The following PTPRT variants were observed in gnomAD, a reference collection of about 807,000 sequenced individuals.
The protein encoded by PTPRT is receptor-type tyrosine-protein phosphatase T.
Under a neutral mutation model 176.8 loss-of-function variants are expected in PTPRT, and 56 were observed. The ratio of observed to expected loss-of-function variants is 0.32; its 90% CI spans 0.26 to 0.40. The LOEUF is 0.40. Among genes scored for constraint, PTPRT ranks in the 10% least tolerant of loss-of-function variants. PTPRT has a pLI of 1.00. For missense variants in PTPRT, 1,540 were observed against 1,908.2 expected (o/e 0.81, Z 3.60); for synonymous variants, 783 against 739.0 (o/e 1.06, Z -0.96).
intron 1 of PTPRT, among the ~76,000 whole-genome samples, chr20:42,972,060 G>A (rs1328226847): frequency 1.3e-5 from 2 of 150,906 alleles, no homozygotes; most frequent in African/African-American, 4.9e-5. Flanking sequence ...GTGACTGAAT[G>A]GTAGGTAGTC....
chr20:43,188,687 G>A (rs6030686), intron 1 of PTPRT, among the ~76,000 whole-genome samples: 1 of 145,834 alleles, frequency 6.9e-6, no homozygotes, highest in African/African-American at 2.5e-5. Context: ...GAAACTTTAA[G>A]GTGATTTTGA....
rs1238187461 is a variant in PTPRT at position 42,736,020 on chromosome 20, C to A, written c.859+20442G>T. On this transcript the variant is annotated intron_variant, in intron 6 of 30. Transcript: ENST00000373187. ...TCATCATTTTGTACACATCAAAGAA[C>A]TATTTGATTTCATGGGAGTGCCACC... is the stretch of plus-strand genomic sequence containing the variant. Among the ~76,000 whole-genome samples, 6 of 152,158 alleles carry A rather than the reference C, an allele frequency of 3.9e-5. No homozygotes were observed. The East Asian group carries it at 1.2e-3, about 29-fold the overall frequency.
chr20:42,196,568 C>T (rs1034286778), intron 16 of PTPRT, among the ~76,000 whole-genome samples: 3 of 152,156 alleles, frequency 2.0e-5, no homozygotes, highest in East Asian at 3.9e-4. Context: ...AGAACTTATT[C>T]CTCCTAGCTA....
At chr20:42,424,597 A>G (rs1191708848) in intron 9 of PTPRT, among the ~76,000 whole-genome samples, 1 of 152,114 alleles carries the variant, frequency 6.6e-6, no homozygotes, top group Non-Finnish European at 1.5e-5. Context: ...CAAGTTTGGT[A>G]CAATTAGCTG....
intron 6 of PTPRT, among the ~76,000 whole-genome samples, chr20:42,716,563 C>T (rs1258122480): frequency 6.6e-6 from 1 of 152,146 alleles, no homozygotes; most frequent in Non-Finnish European, 1.5e-5. Context: ...TGAGAAGTGC[C>T]TGTTCATATC....
intron 13 of PTPRT, among the ~76,000 whole-genome samples, chr20:42,249,992 C>T (rs2056523099): frequency 6.6e-6 from 1 of 152,196 alleles, no homozygotes; most frequent in South Asian, 2.1e-4. Flanking sequence ...CTCATTCCTT[C>T]TTTTCTTCCA....
At chr20:42,095,097 C>G (rs1371901793) in intron 27 of PTPRT, among the ~76,000 whole-genome samples, 3 of 152,134 alleles carry the variant, frequency 2.0e-5, no homozygotes, top group African/African-American at 7.2e-5. Flanking sequence ...CCTTCAGAAT[C>G]TACCCCCCAG....
At chr20:42,319,976 A>G (rs2057776604) in intron 11 of PTPRT, among the ~76,000 whole-genome samples, 1 of 151,968 alleles carries the variant, frequency 6.6e-6, no homozygotes, top group South Asian at 2.1e-4. Context: ...AACCTAAGAC[A>G]CTCACCACAC....
chr20:42,567,774 A>C (rs1028278449), intron 7 of PTPRT, among the ~76,000 whole-genome samples: 1 of 152,226 alleles, frequency 6.6e-6, no homozygotes, highest in Non-Finnish European at 1.5e-5. Flanking sequence ...TATTTATTGA[A>C]CAACAGACCT....
chr20:42,361,802 C>T (rs912610348), intron 9 of PTPRT, among the ~76,000 whole-genome samples: 1 of 152,156 alleles, frequency 6.6e-6, no homozygotes, highest in Non-Finnish European at 1.5e-5. Context: ...TCATCCCTGC[C>T]CTCTTGCATT....
At chr20:42,923,425 G>A (rs1317839568) in intron 1 of PTPRT, among the ~76,000 whole-genome samples, 3 of 152,192 alleles carry the variant, frequency 2.0e-5, no homozygotes, top group African/African-American at 4.8e-5. Flanking sequence ...GTACCTAAAT[G>A]TGCAAGACCT....
intron 24 of PTPRT, among the ~76,000 whole-genome samples, chr20:42,106,405 G>A (rs537471491): frequency 9.1e-4 from 139 of 152,284 alleles, no homozygotes; most frequent in Middle Eastern, 3.4e-3. Flanking sequence ...CTGAACCATC[G>A]CTTGGCACGT....
intron 2 of PTPRT, among the ~76,000 whole-genome samples, chr20:42,832,342 G>C (rs1167454361): frequency 6.6e-6 from 1 of 152,100 alleles, no homozygotes; most frequent in Non-Finnish European, 1.5e-5. Context: ...GGGAACAACA[G>C]GCCCTGTGGC....
At chr20:42,246,868 C>T (rs1453306118) in intron 14 of PTPRT, among the ~76,000 whole-genome samples, 3 of 152,196 alleles carry the variant, frequency 2.0e-5, no homozygotes, top group South Asian at 4.1e-4. Context: ...AGAAACATTT[C>T]ACCTCTGCCT....
At chr20:42,331,512 T>A (rs909035851) in intron 11 of PTPRT, among the ~76,000 whole-genome samples, 1 of 152,252 alleles carries the variant, frequency 6.6e-6, no homozygotes, top group South Asian at 2.1e-4. Flanking sequence ...AATTACTAAT[T>A]AAGCATTAAA....
intron 11 of PTPRT, among the ~76,000 whole-genome samples, chr20:42,348,483 G>T (rs1371097191): frequency 6.6e-6 from 1 of 151,898 alleles, no homozygotes; most frequent in Non-Finnish European, 1.5e-5. Flanking sequence ...AATGAGTGTT[G>T]GCTTTAGGTC....
Position 42,199,413 on chromosome 20 carries a change from A to C in PTPRT, c.2343-25T>G, listed in dbSNP as rs774615369. 7 of 1,609,810 alleles carry C rather than the reference A, an allele frequency of 4.3e-6. No individual in the cohort carries two copies. The Admixed American group carries it at 1.2e-4, about 27-fold the overall frequency. ...CCTTTGGGACATGTGCAAGGGGAAA[A>C]AACCACAGTCAGATGGTGCCAGTTG... On this transcript the variant is annotated intron_variant, in intron 15 of 30. Coordinates refer to ENST00000373187, the MANE Select transcript of PTPRT (RefSeq NM_007050.6).
chr20:42,253,773 CT>C (rs1223133859), intron 13 of PTPRT, among the ~76,000 whole-genome samples: 7 of 152,196 alleles, frequency 4.6e-5, no homozygotes, highest in South Asian at 2.1e-4. Flanking sequence ...CAACATCATG[CT>C]GCAAGCCTCA....
chr20:42,280,848 G>A (rs1171320206), intron 13 of PTPRT, among the ~76,000 whole-genome samples: 1 of 152,098 alleles, frequency 6.6e-6, no homozygotes, highest in African/African-American at 2.4e-5. Flanking sequence ...CCTATTGCTT[G>A]TCAGGTCTCA....
Sources: gnomAD v4.1 joint callset for allele counts (sites outside exome capture counted in the v4.1 genomes callset) on GRCh38, gnomAD v4.1.1 for gene constraint, MANE v1.5 for transcripts, NCBI Gene and HGNC (gene_info 2026-07-23, HGNC 2026-07-21) for gene names.